Variants in DIP2B observed in about 807,000 individuals in gnomAD.
DIP2B encodes the protein disco-interacting protein 2 homolog B.
Under a neutral mutation model 198.0 loss-of-function variants are expected in DIP2B, and 76 were observed. That is an observed-to-expected ratio of 0.38 (90% CI 0.32 to 0.46). DIP2B has a LOEUF of 0.46. DIP2B is among the 20% of genes least tolerant of loss of function. The pLI is 0.99. For missense variants in DIP2B, 1,559 were observed against 1,978.4 expected (o/e 0.79, Z 4.02); for synonymous variants, 701 against 739.1 (o/e 0.95, Z 0.84).
At chr12:50,632,780 G>A (rs894075697) in intron 2 of DIP2B, among the ~76,000 whole-genome samples, 1 of 151,692 alleles carries the variant, frequency 6.6e-6, no homozygotes, top group African/African-American at 2.4e-5. Flanking sequence ...CAAGTAATCC[G>A]CCTCCCTTCT....
In DIP2B at chr12:50,732,330, C is replaced by T. The variant is rs746678788; in HGVS notation, c.3811-36C>T. The T allele has an allele frequency of 2.5e-6, 4 of 1,611,234 alleles. No individual in the cohort carries two copies. The South Asian group carries it at 4.4e-5, about 18-fold the overall frequency. ...TTACCTGTTCAGTTCTTTTATGATC[C>T]TACTGACTTGGCTCCCATATAATGG... On this transcript the variant is annotated intron_variant, in intron 31 of 37. Coordinates refer to ENST00000301180, the MANE Select transcript of DIP2B (RefSeq NM_173602.3).
At chr12:50,637,897 T>C (rs951703207) in intron 2 of DIP2B, among the ~76,000 whole-genome samples, 1 of 152,228 alleles carries the variant, frequency 6.6e-6, no homozygotes, top group Non-Finnish European at 1.5e-5. Context: ...ATTATCATCC[T>C]TACCATATTC....
At chr12:50,743,829 G>C (rs908260619) in intron 37 of DIP2B, 1 of 152,164 alleles carries the variant, frequency 6.6e-6, no homozygotes, top group Non-Finnish European at 1.5e-5. Flanking sequence ...CTCAGGAAAG[G>C]TAGAAACAAG....
At chr12:50,542,197 G>A (rs539199936) in intron 1 of DIP2B, among the ~76,000 whole-genome samples, 307 of 143,912 alleles carry the variant, frequency 2.1e-3, no homozygotes, top group African/African-American at 7.7e-3. Flanking sequence ...GCAGTGAGTC[G>A]AGATTTGGGC....
intron 4 of DIP2B, among the ~76,000 whole-genome samples, chr12:50,669,891 A>G (rs1938820416): frequency 6.6e-6 from 1 of 152,194 alleles, no homozygotes; most frequent in Non-Finnish European, 1.5e-5. Flanking sequence ...CTACAGTGTC[A>G]CCTGAGTTAG....
chr12:50,705,457 A>G (rs928986152), intron 20 of DIP2B, among the ~76,000 whole-genome samples: 2 of 152,228 alleles, frequency 1.3e-5, no homozygotes, highest in Admixed American at 6.5e-5. Context: ...TATTCCAAGA[A>G]ACAGGGAAAG....
chr12:50,718,894 G>T, intron 24 of DIP2B, 61 bp from the exon 25 acceptor site: 2 of 1,611,414 alleles, frequency 1.2e-6, no homozygotes, highest in African/African-American at 2.7e-5. Context: ...GCTGGGGGAT[G>T]CATTATATGA....
At chr12:50,694,877 C>G (rs1037689235) in intron 14 of DIP2B, among the ~76,000 whole-genome samples, 1 of 151,652 alleles carries the variant, frequency 6.6e-6, no homozygotes, top group Non-Finnish European at 1.5e-5. Flanking sequence ...ATGTAGATCT[C>G]TTATACTGAT....
intron 12 of DIP2B, among the ~76,000 whole-genome samples, chr12:50,687,191 C>T (rs998474951): frequency 6.6e-6 from 1 of 152,176 alleles, no homozygotes; most frequent in Admixed American, 6.5e-5. Context: ...GCACAGCAGG[C>T]ACCAGGCTGA....
chr12:50,636,606 T>G (rs74598649), intron 2 of DIP2B, among the ~76,000 whole-genome samples: 1 of 152,240 alleles, frequency 6.6e-6, no homozygotes, highest in Non-Finnish European at 1.5e-5. Flanking sequence ...CCCCACAGTC[T>G]GCTGTTTGCT....
At chr12:50,679,581 C>T (rs1476486259) in intron 8 of DIP2B, 2 of 152,176 alleles carry the variant, frequency 1.3e-5, no homozygotes. Context: ...CATGATTTCC[C>T]TTATCTCATA....
chr12:50,619,179 G>A (rs1337048512), intron 1 of DIP2B, among the ~76,000 whole-genome samples: 1 of 152,096 alleles, frequency 6.6e-6, no homozygotes, highest in Non-Finnish European at 1.5e-5. Flanking sequence ...GACTGCTCCC[G>A]ATAGAAAAAG....
At chr12:50,623,843 G>A (rs1349997490) in intron 1 of DIP2B, among the ~76,000 whole-genome samples, 6 of 152,108 alleles carry the variant, frequency 3.9e-5, no homozygotes, top group African/African-American at 1.4e-4. Flanking sequence ...GTTGTTAGCA[G>A]CATCCCTGAC....
Position 50,557,542 on chromosome 12 carries a change from A to G in DIP2B, c.100+52302A>G, listed in dbSNP as rs925367672. On this transcript the variant is annotated intron_variant, in intron 1 of 37. Transcript: ENST00000301180. ...CAACAGTGGCAGGGCCTTCCTAGGC[A>G]GAGGACATCTACAAAGAGTGGATGA... Among the ~76,000 whole-genome samples the G allele has an allele frequency of 6.6e-4, 100 of 152,364 alleles. 2 individuals carry two copies. The highest frequency in any genetic ancestry group is 5.9e-4 in the Admixed American group (9 of 15,296).
intron 1 of DIP2B, among the ~76,000 whole-genome samples, chr12:50,513,729 C>T (rs986953865): frequency 3.3e-5 from 5 of 152,064 alleles, no homozygotes; most frequent in Admixed American, 3.3e-4. Flanking sequence ...CACAAACTAG[C>T]CGGGCATGGT....
chr12:50,734,986 G>C, intron 33 of DIP2B, 87 bp from the exon 34 acceptor site: 1 of 1,486,074 alleles, frequency 6.7e-7, no homozygotes, highest in Non-Finnish European at 9.4e-7. Flanking sequence ...CAAGTTAGAG[G>C]TTGTGGGAAG....
chr12:50,675,168 A>G (rs1592122159), intron 6 of DIP2B, among the ~76,000 whole-genome samples, 161 bp from the exon 7 acceptor site: 1 of 152,234 alleles, frequency 6.6e-6, no homozygotes, highest in African/African-American at 2.4e-5. Flanking sequence ...TTTGTTCTCT[A>G]TTGTCATAAA....
chr12:50,725,613 C>T (rs1939918212), intron 28 of DIP2B, among the ~76,000 whole-genome samples: 1 of 152,126 alleles, frequency 6.6e-6, no homozygotes, highest in Non-Finnish European at 1.5e-5. Context: ...AATGATGTAA[C>T]ACAAAGCTTC....
At chr12:50,579,317 A>G (rs1958693058) in intron 1 of DIP2B, among the ~76,000 whole-genome samples, 1 of 152,020 alleles carries the variant, frequency 6.6e-6, no homozygotes, top group Non-Finnish European at 1.5e-5. Context: ...AAAATTTTAG[A>G]AAACCTGAAT....
Sources: allele counts gnomAD v4.1 joint callset (sites outside exome capture counted in the v4.1 genomes callset), GRCh38; gene constraint gnomAD v4.1.1; transcripts MANE v1.5; gene names NCBI Gene and HGNC (gene_info 2026-07-23, HGNC 2026-07-21).